SMIM13: variants seen among roughly 807,000 people sequenced by gnomAD.
SMIM13 encodes the protein small integral membrane protein 13.
Under a neutral mutation model 5.9 loss-of-function variants are expected in SMIM13, and 3 were observed. The ratio of observed to expected loss-of-function variants is 0.51; its 90% CI spans 0.23 to 1.31. SMIM13 has a LOEUF of 1.31. SMIM13 is among the 40% of genes most tolerant of loss of function. The pLI is 0.18. For synonymous variants in SMIM13, 55 were observed against 46.0 expected (o/e 1.19, Z -0.79); for missense variants, 85 against 109.9 (o/e 0.77, Z 1.01).
At chr6:11,119,376 C>T (rs1444293626) in intron 1 of SMIM13, among the ~76,000 whole-genome samples, 4 of 151,966 alleles carry the variant, frequency 2.6e-5, no homozygotes, top group Non-Finnish European at 5.9e-5. Context: ...GTCCTCGGGC[C>T]GGGCTCGGTG....
intron 1 of SMIM13, among the ~76,000 whole-genome samples, chr6:11,125,203 G>A (rs763053952): frequency 2.0e-5 from 3 of 151,622 alleles, no homozygotes; most frequent in Non-Finnish European, 2.9e-5. Flanking sequence ...ACTTGAACCC[G>A]GGAGGTGGAG....
chr6:11,122,205 A>C (rs1226670906), intron 1 of SMIM13, among the ~76,000 whole-genome samples: 1 of 152,210 alleles, frequency 6.6e-6, no homozygotes, highest in Non-Finnish European at 1.5e-5. Context: ...ATTTTGGGAT[A>C]TCTGGGATGA....
chr6:11,098,458 G>A (rs1410771857), intron 1 of SMIM13, among the ~76,000 whole-genome samples: 1 of 152,172 alleles, frequency 6.6e-6, no homozygotes, highest in Non-Finnish European at 1.5e-5. Flanking sequence ...TTGAGATGGA[G>A]TTTTGCTCTT....
intron 1 of SMIM13, among the ~76,000 whole-genome samples, chr6:11,131,257 T>G (rs1389194985): frequency 1.3e-5 from 2 of 152,188 alleles, no homozygotes; most frequent in African/African-American, 4.8e-5. Context: ...GTTTCTTTCT[T>G]ATTTATCCCA....
At chr6:11,122,270 T>C (rs1199912222) in intron 1 of SMIM13, among the ~76,000 whole-genome samples, 1 of 152,258 alleles carries the variant, frequency 6.6e-6, no homozygotes, top group Non-Finnish European at 1.5e-5. Context: ...GAAGTTCGAA[T>C]GATCCCTCTT....
chr6:11,101,499 C>T (rs1016267108), intron 1 of SMIM13, among the ~76,000 whole-genome samples: 7 of 152,058 alleles, frequency 4.6e-5, no homozygotes, highest in African/African-American at 9.7e-5. Flanking sequence ...GTAGGGCTTC[C>T]GAAGGAGGAG....
intron 1 of SMIM13, among the ~76,000 whole-genome samples, chr6:11,132,737 G>A (rs1057000387): frequency 6.6e-6 from 1 of 152,178 alleles, no homozygotes; most frequent in African/African-American, 2.4e-5. Context: ...CATAGAGACA[G>A]AGAGTAGATT....
At chr6:11,108,410 T>A (rs893714750) in intron 1 of SMIM13, among the ~76,000 whole-genome samples, 6 of 152,164 alleles carry the variant, frequency 3.9e-5, no homozygotes, top group Admixed American at 6.5e-5. Context: ...GAGCTGAAGG[T>A]CATCCAGTTG....
At chr6:11,115,883 C>G (rs1758232259) in intron 1 of SMIM13, among the ~76,000 whole-genome samples, 2 of 151,274 alleles carry the variant, frequency 1.3e-5, no homozygotes, top group African/African-American at 4.9e-5. Context: ...GACAGGGTTT[C>G]TCCATGTTGG....
At position 11,137,667 on chromosome 6, in the gene SMIM13, G is replaced by C. The variant is rs558961802; in HGVS notation, c.*3065G>C. 5 of 152,058 alleles carry C rather than the reference G, an allele frequency of 3.3e-5. No homozygotes were observed. Among genetic ancestry groups the C allele is most frequent in the Non-Finnish European group, 7.4e-5 (5 of 67,976 alleles). The allele number at this position is 152,058 out of a possible 1,614,324, so 9.4% of individuals were successfully genotyped here. A position where few individuals can be genotyped will look rare whatever the true frequency, so the allele number is the denominator to read the frequency against. ...CCCAACCAGCCATTCATTTCCAATT[G>C]TTCTGCCTTTGAAACTTTTTGTGAA... On this transcript the variant is annotated 3_prime_UTR_variant, in exon 2 of 2. Coordinates refer to ENST00000416247, the MANE Select transcript of SMIM13 (RefSeq NM_001135575.2).
At chr6:11,132,499 A>G (rs1758463553) in intron 1 of SMIM13, among the ~76,000 whole-genome samples, 1 of 152,238 alleles carries the variant, frequency 6.6e-6, no homozygotes, top group African/African-American at 2.4e-5. Context: ...TGTTTCTTAT[A>G]ATAGCCAAAA....
chr6:11,105,893 C>A (rs2113645283), intron 1 of SMIM13, among the ~76,000 whole-genome samples: 1 of 152,164 alleles, frequency 6.6e-6, no homozygotes, highest in East Asian at 1.9e-4. Context: ...AATGGCCTAC[C>A]ATATAAAGCC....
intron 1 of SMIM13, among the ~76,000 whole-genome samples, chr6:11,130,349 C>G (rs889478115): frequency 6.6e-6 from 1 of 151,894 alleles, no homozygotes; most frequent in African/African-American, 2.4e-5. Context: ...TAGGGGAATT[C>G]CATACCTCAC....
intron 1 of SMIM13, among the ~76,000 whole-genome samples, chr6:11,095,281 C>T (rs1285992757): frequency 2.6e-5 from 4 of 152,126 alleles, no homozygotes; most frequent in East Asian, 3.8e-4. Context: ...TACTTAGTGA[C>T]GCTGTGGAAT....
chr6:11,098,630 A>C (rs1194716211), intron 1 of SMIM13, among the ~76,000 whole-genome samples: 1 of 152,090 alleles, frequency 6.6e-6, no homozygotes, highest in Non-Finnish European at 1.5e-5. Context: ...ACGGGGTTTC[A>C]CCATGTTGGC....
At chr6:11,133,718 T>G (rs920417890) in intron 1 of SMIM13, among the ~76,000 whole-genome samples, 1 of 150,956 alleles carries the variant, frequency 6.6e-6, no homozygotes, top group African/African-American at 2.4e-5. Flanking sequence ...CCTTTACTAC[T>G]CCTTGCAAAA....
intron 1 of SMIM13, among the ~76,000 whole-genome samples, chr6:11,109,893 C>T (rs1417500242): frequency 3.9e-5 from 6 of 152,090 alleles, no homozygotes; most frequent in Non-Finnish European, 5.9e-5. Flanking sequence ...CCTCCAATTT[C>T]CCTACTGTCT....
In SMIM13 at chr6:11,111,908, C is replaced by T. The variant is rs908037909; in HGVS notation, c.76+17519C>T. On this transcript the variant is annotated intron_variant, in intron 1 of 1. Transcript: ENST00000416247. ...GCGCATGCTTTCTTGAGACATTTTT[C>T]CCTTATCAGTCAGGTGTTCCTAGAG... 3.3e-5 allele frequency among the ~76,000 whole-genome samples: 5 copies of T among 152,056 alleles called. No homozygotes were observed. The East Asian group carries it at 5.8e-4, about 18-fold the overall frequency.
At chr6:11,122,428 AC>A (rs1191383241) in intron 1 of SMIM13, among the ~76,000 whole-genome samples, 2 of 152,174 alleles carry the variant, frequency 1.3e-5, no homozygotes, top group Admixed American at 6.5e-5. Context: ...CCTTGCTCCG[AC>A]TTTGAGTGGT....
Sources: allele counts gnomAD v4.1 joint callset (sites outside exome capture counted in the v4.1 genomes callset), GRCh38; gene constraint gnomAD v4.1.1; transcripts MANE v1.5; gene names NCBI Gene and HGNC (gene_info 2026-07-23, HGNC 2026-07-21).